PACS2: variants seen among roughly 807,000 people sequenced by gnomAD.
PACS2 encodes the protein phosphofurin acidic cluster sorting protein 2.
PACS2 carries 36 observed loss-of-function variants against 113.0 expected under a neutral mutation model. That is an observed-to-expected ratio of 0.32 (90% CI 0.24 to 0.42). PACS2 has a LOEUF of 0.42. Ranked by LOEUF, PACS2 falls within the 10% of genes least tolerant of loss-of-function variation. The probability of loss-of-function intolerance (pLI) is 1.00; values close to 1 mark genes in which losing one functional copy is unlikely to be tolerated. For synonymous variants in PACS2, 589 were observed against 536.1 expected (o/e 1.10, Z -1.36); for missense variants, 1,015 against 1,239.5 (o/e 0.82, Z 2.72).
At chr14:105,301,174 G>A (rs1285371181) in intron 1 of PACS2, 1 of 153,200 alleles carries the variant, frequency 6.5e-6, no homozygotes, top group African/African-American at 2.4e-5. Context: ...CGCGACCTAA[G>A]GCAGTGGGCG....
intron 1 of PACS2, among the ~76,000 whole-genome samples, chr14:105,320,783 T>G (rs778998273): frequency 2.5e-4 from 38 of 152,248 alleles, no homozygotes; most frequent in South Asian, 4.1e-4. Flanking sequence ...TACTGCCTCT[T>G]TTGCTGTATC....
At chr14:105,375,707 T>C (rs1292504451) in intron 8 of PACS2, among the ~76,000 whole-genome samples, 3 of 152,086 alleles carry the variant, frequency 2.0e-5, no homozygotes, top group Non-Finnish European at 4.4e-5. Flanking sequence ...GCTGGGGGAA[T>C]GTAAGGTGGT....
At chr14:105,336,964 T>A (rs879984972) in intron 1 of PACS2, among the ~76,000 whole-genome samples, 1 of 152,200 alleles carries the variant, frequency 6.6e-6, no homozygotes, top group East Asian at 1.9e-4. Context: ...TCACGGTGAC[T>A]GCGTGATGGA....
At chr14:105,382,177 C>A in intron 13 of PACS2, 119 bp downstream of exon 13, 1 of 1,199,708 alleles carries the variant, frequency 8.3e-7, no homozygotes, top group Non-Finnish European at 1.1e-6. Context: ...CAGAGCATGC[C>A]TGGGCTTTGG....
chr14:105,391,568 G>A, intron 21 of PACS2, 63 bp from the exon 22 acceptor site: 2 of 1,521,864 alleles, frequency 1.3e-6, no homozygotes, highest in African/African-American at 2.7e-5. Flanking sequence ...GGTCCGGAGG[G>A]CCTGGTGGCA....
At chr14:105,379,969 C>A in intron 10 of PACS2, 111 bp from the exon 11 acceptor site, 1 of 1,308,416 alleles carries the variant, frequency 7.6e-7, no homozygotes, top group Non-Finnish European at 1.1e-6. Flanking sequence ...GTCCAGCACA[C>A]TGCCACGCAG....
At chr14:105,361,881 G>A (rs587740624) in intron 4 of PACS2, among the ~76,000 whole-genome samples, 8 of 152,222 alleles carry the variant, frequency 5.3e-5, no homozygotes, top group Admixed American at 2.0e-4. Context: ...CCCAGGAGGC[G>A]GAAATTGCAA....
intron 1 of PACS2, among the ~76,000 whole-genome samples, chr14:105,341,254 GA>G (rs1555401521): frequency 6.6e-6 from 1 of 152,188 alleles, no homozygotes; most frequent in Non-Finnish European, 1.5e-5. Flanking sequence ...CTCTCTGTCA[GA>G]AAACAAAACA....
chr14:105,364,332 GCCCGGGGGTGTGGTGGGCGGTGT>G (rs2060851198), intron 4 of PACS2, among the ~76,000 whole-genome samples: 1 of 116,336 alleles, frequency 8.6e-6, no homozygotes, highest in African/African-American at 7.2e-5. Context: ...GTGGGCGGCG[GCCCGGGGGTGTGGTGGGCGGTGT>G]CCCGGGTGCA....
intron 1 of PACS2, among the ~76,000 whole-genome samples, chr14:105,328,024 A>G (rs587630640): frequency 8.5e-5 from 13 of 152,364 alleles, no homozygotes; most frequent in African/African-American, 2.6e-4. Flanking sequence ...TGCGGATTCT[A>G]TCAGAACAGT....
At chr14:105,347,812 C>T (rs587669196) in intron 1 of PACS2, among the ~76,000 whole-genome samples, 56 of 152,292 alleles carry the variant, frequency 3.7e-4, no homozygotes, top group Non-Finnish European at 6.9e-4. Flanking sequence ...GATTTGGAGC[C>T]CTGGCGCGTG....
intron 1 of PACS2, among the ~76,000 whole-genome samples, chr14:105,337,654 G>A (rs999119204): frequency 6.6e-6 from 1 of 152,176 alleles, no homozygotes; most frequent in Non-Finnish European, 1.5e-5. Flanking sequence ...TGGGCCTCTC[G>A]TCTTTTGGGT....
chr14:105,343,555 G>T (rs868961832), intron 1 of PACS2, among the ~76,000 whole-genome samples: 49 of 152,110 alleles, frequency 3.2e-4, no homozygotes, highest in Admixed American at 1.4e-3. Flanking sequence ...TGTTTTTTAA[G>T]CCATTCTAAT....
At chr14:105,362,209 G>C (rs906897371) in intron 4 of PACS2, among the ~76,000 whole-genome samples, 6 of 151,070 alleles carry the variant, frequency 4.0e-5, no homozygotes, top group African/African-American at 1.2e-4. Context: ...ACGAGGTCAG[G>C]AGATCAAGAC....
intron 4 of PACS2, among the ~76,000 whole-genome samples, chr14:105,363,623 A>C (rs1425502829): frequency 1.5e-4 from 22 of 151,620 alleles, no homozygotes; most frequent in African/African-American, 5.1e-4. Flanking sequence ...CATCCCGGCC[A>C]CTCACTCTCT....
Position 105,382,498 on chromosome 14 carries a change from G to A in PACS2, c.1435G>A (p.Asp479Asn). The A allele has an allele frequency of 6.2e-7, 1 of 1,610,176 alleles. No homozygotes were observed. Among genetic ancestry groups the A allele is most frequent in the Non-Finnish European group, 8.5e-7 (1 of 1,176,500 alleles). ...CCAGATCCCCAGGAAGACTGTGTAT[G>A]ACCAGCTCAACCACATCCTCATCTC... ...QLQIPRKTVYDQLNHILISDD... is the reference protein window; with the variant it reads ...QLQIPRKTVYNQLNHILISDD... Residue 479 changes from aspartate (D) to asparagine (N), a missense_variant, in exon 14 of 25, where the codon GAC (aspartate) becomes AAC (asparagine). Physicochemically the swap from Asp to Asn is conservative, Grantham distance 23 (BLOSUM62 1). This residue lies in a region of PACS2 where 859 missense variants were observed against 1,056.8 expected (regional missense o/e 0.81). Coordinates refer to ENST00000447393, the MANE Select transcript of PACS2 (RefSeq NM_001100913.3).
chr14:105,370,939 A>T (rs2061126045), intron 8 of PACS2: 1 of 152,268 alleles, frequency 6.6e-6, no homozygotes, highest in Admixed American at 6.5e-5. Context: ...TAAGCGTCTC[A>T]GCCTTGAAGC....
At chr14:105,314,641 G>A (rs1294794532), upstream of PACS2, 3 of 143,982 alleles carry the variant, frequency 2.1e-5, no homozygotes, top group African/African-American at 7.5e-5. Context: ...GCCCCGCCCA[G>A]CCAATCGGCG....
chr14:105,301,823 A>T (rs1285174244), intron 1 of PACS2, among the ~76,000 whole-genome samples: 1 of 152,226 alleles, frequency 6.6e-6, no homozygotes, highest in Non-Finnish European at 1.5e-5. Context: ...GGCCGGTGAC[A>T]TACCCAGGAA....
Sources: gnomAD v4.1 joint callset for allele counts (sites outside exome capture counted in the v4.1 genomes callset) on GRCh38, gnomAD v4.1.1 for gene constraint, gnomAD v4.1.1 regional missense constraint, MANE v1.5 for transcripts, NCBI Gene and HGNC (gene_info 2026-07-23, HGNC 2026-07-21) for gene names.